Variants in STAB2 observed in about 807,000 individuals in gnomAD.
STAB2 encodes the protein stabilin 2, also known as stabilin-2.
In STAB2, 288 loss-of-function variants were observed where a neutral mutation model predicts 338.1. That is an observed-to-expected ratio of 0.85 (90% CI 0.77 to 0.94). STAB2 has a LOEUF of 0.94. STAB2 is among the 40% of genes least tolerant of loss of function. The pLI is 0.00. For missense variants in STAB2, 3,141 were observed against 3,210.1 expected, an observed-to-expected ratio of 0.98 and a Z score of 0.52; for synonymous variants, 1,202 against 1,193.3, an observed-to-expected ratio of 1.01 and a Z score of -0.15.
At chr12:103,656,274 G>GA (rs1289022450) in intron 15 of STAB2, among the ~76,000 whole-genome samples, 5 of 152,246 alleles carry the variant, frequency 3.3e-5, no homozygotes, top group Admixed American at 3.3e-4. Context: ...TCAGTGCCCT[G>GA]AAACTATGCC....
At chr12:103,693,312 A>T (rs1424966216) in intron 31 of STAB2, among the ~76,000 whole-genome samples, 1 of 151,796 alleles carries the variant, frequency 6.6e-6, no homozygotes, top group African/African-American at 2.4e-5. Flanking sequence ...GCATGCACCT[A>T]TGTGGTCCCA....
chr12:103,695,472 A>T (rs546083052), intron 31 of STAB2, 78 bp from the exon 32 acceptor site: 1 of 1,362,024 alleles, frequency 7.3e-7, no homozygotes, highest in East Asian at 2.3e-5. Context: ...GGTTAATGGC[A>T]TTAGACTCTC....
rs1324105177 is a variant in STAB2, at chr12:103,690,458, G to T, written c.3217G>T (p.Asp1073Tyr). ...GCTACTAGGCACATACAGAGTGGCA[G>T]ATCTGCAGACCCTGTCTTCTTCTGA... ...HMLLGTYRVA[D>Y]LQTLSSSDML... The change falls in exon 30 of 69, where the codon GAT (aspartate) becomes TAT (tyrosine). Residue 1073 changes from aspartate to tyrosine, a missense_variant. Physicochemically the swap from Asp to Tyr is radical, Grantham distance 160. Transcript: ENST00000388887. The T allele has an allele frequency of 3.1e-6, 5 of 1,614,122 alleles. No individual in the cohort carries two copies. In the South Asian group the frequency reaches 4.4e-5, roughly 14 times the overall value.
chr12:103,739,214 C>T (rs1882381651), intron 53 of STAB2, among the ~76,000 whole-genome samples, 198 bp from the exon 54 acceptor site: 1 of 151,506 alleles, frequency 6.6e-6, no homozygotes, highest in Non-Finnish European at 1.5e-5. Flanking sequence ...TCGCCTCAAG[C>T]AATCTTTCTG....
rs141698852 is a variant in STAB2, at chr12:103,660,368, T to C, written c.1772T>C (p.Ile591Thr). 6.2e-7 allele frequency: 1 copy of C among 1,614,248 alleles called. No homozygotes were observed. The highest frequency in any genetic ancestry group is 8.5e-7 in the Non-Finnish European group (1 of 1,180,048). The stretch of plus-strand genomic sequence containing the variant: ...CTTCTGGAACTCGTCAGATACCACA[T>C]TGTCCCATTTACCCAGGTTGGCCCC... ...RKLLELVRYH[I>T]VPFTQLEVAT... Residue 591 changes from isoleucine (I) to threonine (T), a missense_variant, in exon 16 of 69, where the codon ATT becomes ACT. Coordinates refer to ENST00000388887, the MANE Select transcript of STAB2 (RefSeq NM_017564.10).
rs115668354 is a variant in STAB2, at chr12:103,706,794, G to A, written c.3999G>A (p.Thr1333=). ...CAAGCTTTGTCCTTCTGTTTCAGAC[G>A]AGAGAATGCTGTGCCGGCTTCTTTG... is the stretch of plus-strand genomic sequence containing the variant. The part of the protein sequence containing the change: ...CQPKCVRTVI[T]RECCAGFFGP... The change falls in exon 38 of 69, where the codon ACG becomes ACA. Residue 1333 remains threonine, a splice_region_variant and synonymous_variant. Coordinates refer to ENST00000388887, the MANE Select transcript of STAB2 (RefSeq NM_017564.10). 1.4e-3 allele frequency: 2,259 copies of A among 1,614,240 alleles called. 33 individuals are homozygous for A. In the African/African-American group the frequency reaches 0.025, roughly 18 times the overall value.
At chr12:103,609,506 A>T (rs1029058378) in intron 3 of STAB2, among the ~76,000 whole-genome samples, 19 of 152,174 alleles carry the variant, frequency 1.2e-4, no homozygotes, top group Non-Finnish European at 2.4e-4. Flanking sequence ...ATTGGAGTAT[A>T]AGAATGCTTG....
rs530695124 is a variant in STAB2 at position 103,623,662 on chromosome 12, T to C, written c.487+1551T>C. Reference sequence around the variant, plus strand: ...CACAACACTGCCAACACCTTGATTTTAGCACAGTGATTTTGGATTTCTGAA... The same window carrying C: ...CACAACACTGCCAACACCTTGATTTCAGCACAGTGATTTTGGATTTCTGAA... On this transcript the variant is annotated intron_variant, in intron 5 of 68. Coordinates refer to ENST00000388887, the MANE Select transcript of STAB2 (RefSeq NM_017564.10). 2.6e-5 allele frequency among the ~76,000 whole-genome samples: 4 copies of C among 152,308 alleles called. No homozygotes were observed. In the South Asian group the frequency reaches 8.3e-4, roughly 32 times the overall value.
rs1884539347 is a variant in STAB2 at position 103,761,513 on chromosome 12, C to T, written c.7359+103C>T. 1.3e-5 allele frequency: 14 copies of T among 1,072,638 alleles called. No individual in the cohort carries two copies. In the South Asian group the frequency reaches 1.4e-4, roughly 11 times the overall value. The allele number at this position is 1,072,638 out of a possible 1,614,324, so 66.4% of individuals were successfully genotyped here. On this transcript the variant is annotated intron_variant, in intron 66 of 68. Transcript: ENST00000388887. ...AGCCCTGTCCTCCTCCCTCTTCCTCCAGAGACTGGAGGAGCCTCCAGCCTC... is the reference window on the plus strand; with the variant it reads ...AGCCCTGTCCTCCTCCCTCTTCCTCTAGAGACTGGAGGAGCCTCCAGCCTC...
chr12:103,684,783 G>A (rs1194165814), intron 26 of STAB2, among the ~76,000 whole-genome samples: 1 of 152,176 alleles, frequency 6.6e-6, no homozygotes, highest in Admixed American at 6.5e-5. Flanking sequence ...GCAGGGATGA[G>A]AATAAATAAT....
At position 103,750,636 on chromosome 12, in the gene STAB2, C is replaced by T. The variant is rs780251305; in HGVS notation, c.6496C>T (p.Pro2166Ser). 11 of 1,614,104 alleles carry T rather than the reference C, an allele frequency of 6.8e-6. No individual in the cohort carries two copies. Among genetic ancestry groups the T allele is most frequent in the Non-Finnish European group, 9.3e-6 (11 of 1,180,034 alleles). ...HYVGDGLNCE[P>S]EQLPIDRCLQ... is the part of the protein sequence containing the mutation. ...TGTCGGAGATGGGCTGAACTGTGAG[C>T]CGGAGCAGCTGCCCATTGACCGCTG... Residue 2166 changes from proline to serine, a missense_variant, in exon 60 of 69, where the codon CCG (proline) becomes TCG (serine). Coordinates refer to ENST00000388887, the MANE Select transcript of STAB2 (RefSeq NM_017564.10).
chr12:103,624,544 A>G (rs1184572219), intron 5 of STAB2, among the ~76,000 whole-genome samples: 1 of 152,232 alleles, frequency 6.6e-6, no homozygotes. Flanking sequence ...TGCATAATAA[A>G]TGTTATGATT....
chr12:103,738,057 C>T (rs1236143321), intron 53 of STAB2, among the ~76,000 whole-genome samples: 1 of 152,176 alleles, frequency 6.6e-6, no homozygotes, highest in African/African-American at 2.4e-5. Flanking sequence ...GGATACCAAC[C>T]ATATGCCAAC....
chr12:103,610,726 C>T (rs930631180), intron 3 of STAB2, among the ~76,000 whole-genome samples: 2 of 152,200 alleles, frequency 1.3e-5, no homozygotes, highest in African/African-American at 4.8e-5. Flanking sequence ...TTGCCTTCTG[C>T]TAGCTTTTGA....
chr12:103,718,233 C>T (rs969110077), intron 44 of STAB2, among the ~76,000 whole-genome samples: 3 of 152,164 alleles, frequency 2.0e-5, no homozygotes, highest in Non-Finnish European at 4.4e-5. Flanking sequence ...TAGGAATCCA[C>T]AGCGAGCGCA....
chr12:103,763,585 GA>G lies in STAB2; in HGVS notation c.7584del (p.Glu2528AspfsTer21). Reference protein sequence around the residue: ...LYESTTSAPPEPSYDPFTDSE... With the variant: ...LYESTTSAPPXPSYDPFTDSE... ...TGAGAGCACAACCTCAGCTCCCCCA[GA>G]ACCTTCCTACGACCCCTTCACGGTG... On this transcript the variant is annotated frameshift_variant, in exon 68 of 69. Transcript: ENST00000388887. LOFTEE classifies it low-confidence loss of function (END_TRUNC). The G allele has an allele frequency of 6.2e-7, 1 of 1,614,068 alleles. No individual in the cohort carries two copies. The highest frequency in any genetic ancestry group is 8.5e-7 in the Non-Finnish European group (1 of 1,179,976).
At chr12:103,719,359 A>G (rs1455354700) in intron 44 of STAB2, among the ~76,000 whole-genome samples, 4 of 150,474 alleles carry the variant, frequency 2.7e-5, no homozygotes, top group Admixed American at 2.0e-4. Context: ...ACAGACAAAG[A>G]GACTCTAGCT....
intron 37 of STAB2, 71 bp from the exon 38 acceptor site, chr12:103,706,721 G>A: frequency 6.3e-7 from 1 of 1,589,172 alleles, no homozygotes; most frequent in East Asian, 2.2e-5. Flanking sequence ...CCCACAGCAG[G>A]ATTTCTACAC....
At chr12:103,739,572 T>TGC (rs1555251326) in intron 54 of STAB2, 104 bp downstream of exon 54, 10,278 of 732,658 alleles carry the variant, frequency 0.014, 258 homozygotes, top group South Asian at 0.022. Context: ...TGTGTGTGTG[T>TGC]GCCCGTGCAC....
Sources: gnomAD v4.1 joint callset for allele counts (sites outside exome capture counted in the v4.1 genomes callset) on GRCh38, gnomAD v4.1.1 for gene constraint, MANE v1.5 for transcripts, NCBI Gene and HGNC (gene_info 2026-07-23, HGNC 2026-07-21) for gene names.